PODNL1: variants seen among roughly 807,000 people sequenced by gnomAD.
PODNL1 encodes podocan like 1.
In PODNL1, 50 loss-of-function variants were observed where a neutral mutation model predicts 45.1. That is an observed-to-expected ratio of 1.11 (90% CI 0.88 to 1.40). PODNL1 has a LOEUF of 1.40. PODNL1 is among the 40% of genes most tolerant of loss of function. PODNL1 has a pLI of 0.00. For missense variants in PODNL1, 788 were observed against 793.3 expected, an observed-to-expected ratio of 0.99 and a Z score of 0.08; for synonymous variants, 406 against 372.5, an observed-to-expected ratio of 1.09 and a Z score of -1.04.
At position 13,933,160 on chromosome 19, in the gene PODNL1, C is replaced by G. The variant is rs761936290; in HGVS notation, c.1063G>C (p.Ala355Pro). ...VPPALPRRLR[A>P]LVLPHNHVAA... The stretch of plus-strand genomic sequence containing the variant: ...ACGTGGTTGTGGGGCAGCACCAGGG[C>G]ACGCAGGCGGCGGGGCAGGGCTGGA... The change falls in exon 8 of 10, where the codon GCC becomes CCC. Residue 355 changes from alanine (A) to proline (P), a missense_variant. Physicochemically the swap from Ala to Pro is conservative, Grantham distance 27. Transcript: ENST00000588872. This position sits in a 1 kb window ranked among gnomAD's most constrained non-coding sequence, Gnocchi z 5.2. 3 of 1,531,414 alleles carry G rather than the reference C, an allele frequency of 2.0e-6. No homozygotes were observed. In the South Asian group the frequency reaches 3.6e-5, roughly 18 times the overall value. The allele number at this position is 1,531,414 out of a possible 1,614,324, so 94.9% of individuals were successfully genotyped here.
upstream of PODNL1, chr19:13,940,128 A>G (rs899774560): frequency 1.3e-5 from 2 of 152,090 alleles, no homozygotes; most frequent in South Asian, 2.1e-4. Context: ...TGGGTAGAAC[A>G]TTTTAAGAAT....
At chr19:13,938,937 C>T (rs1050757687), upstream of PODNL1, among the ~76,000 whole-genome samples, 1 of 152,160 alleles carries the variant, frequency 6.6e-6, no homozygotes, top group Non-Finnish European at 1.5e-5. Flanking sequence ...CCCACACTCC[C>T]CCACAGTGTT....
rs765111176 is a variant in PODNL1, at chr19:13,936,321, G to A, written c.319+46C>T. The A allele has an allele frequency of 9.1e-6, 14 of 1,534,700 alleles. No individual in the cohort carries two copies. The Admixed American group carries it at 2.3e-4, about 26-fold the overall frequency. On this transcript the variant is annotated intron_variant, in intron 3 of 9. Coordinates refer to ENST00000588872, the MANE Select transcript of PODNL1 (RefSeq NM_001370095.3). ...GAGGGGGATGGCAGCTGAGACCTCG[G>A]TCAGTCCTACAGCCCCAGAGAGGCC... is the stretch of plus-strand genomic sequence containing the variant.
intron 5 of PODNL1, among the ~76,000 whole-genome samples, chr19:13,935,269 C>G (rs1168653426): frequency 6.6e-6 from 1 of 152,136 alleles, no homozygotes; most frequent in Non-Finnish European, 1.5e-5. Flanking sequence ...TCTTCCCACT[C>G]CCCAAGGCTA....
At position 13,933,575 on chromosome 19, in the gene PODNL1, A is replaced by T. The variant is rs1972117476; in HGVS notation, c.768-120T>A. ...TTTAAGCTGGAGATTTTGACTTGGG[A>T]GTGATGCGTGGAGAGAGCTGGGTGG... On this transcript the variant is annotated intron_variant, in intron 7 of 9. Transcript: ENST00000588872. The surrounding 1 kb of genome is among the most constrained non-coding windows in gnomAD (Gnocchi z 5.2). The T allele has an allele frequency of 8.7e-7, 1 of 1,147,576 alleles. No homozygotes were observed. The highest frequency in any genetic ancestry group is 2.8e-5 in the Admixed American group (1 of 35,916). 71.1% of individuals were successfully genotyped at this position (1,147,576 alleles called of 1,614,324 possible). A position where few individuals can be genotyped will look rare whatever the true frequency, so the allele number is the denominator to read the frequency against.
intron 3 of PODNL1, 36 bp from the exon 4 acceptor site, chr19:13,936,080 C>CCT: frequency 6.5e-7 from 1 of 1,531,350 alleles, no homozygotes; most frequent in African/African-American, 1.4e-5. Flanking sequence ...GGACCCCAGG[C>CCT]CTGTCTTGGG....
At chr19:13,952,431 G>C in intron 1 of PODNL1, 1 of 1,240,346 alleles carries the variant, frequency 8.1e-7, no homozygotes, top group Non-Finnish European at 1.0e-6. Flanking sequence ...GCGGGCCGCT[G>C]TCCCGAAAAA....
chr19:13,952,935 C>G, intron 1 of PODNL1: 4 of 880,848 alleles, frequency 4.5e-6, no homozygotes, highest in Non-Finnish European at 6.7e-6. Context: ...CCCCAGAGGC[C>G]GCAGGGAGAA....
At chr19:13,944,142 G>T (rs910424111) in intron 1 of PODNL1, among the ~76,000 whole-genome samples, 1 of 151,962 alleles carries the variant, frequency 6.6e-6, no homozygotes, top group Non-Finnish European at 1.5e-5. Flanking sequence ...TTTTTGTTTT[G>T]TTTTATTTAT....
intron 1 of PODNL1, among the ~76,000 whole-genome samples, chr19:13,943,951 C>A (rs538159702): frequency 4.6e-5 from 7 of 152,036 alleles, no homozygotes; most frequent in Non-Finnish European, 1.0e-4. Context: ...CCATTCAAAC[C>A]ACGACATGGA....
Position 13,931,594 on chromosome 19 carries a change from T to C in PODNL1, c.*143A>G. The C allele has an allele frequency of 1.1e-6, 1 of 899,304 alleles. No homozygotes were observed. Among genetic ancestry groups the C allele is most frequent in the Non-Finnish European group, 1.5e-6 (1 of 685,278 alleles). The allele number at this position is 899,304 out of a possible 1,614,324, so 55.7% of individuals were successfully genotyped here. The stretch of plus-strand genomic sequence containing the variant: ...AGTATGCCAGCTGTGTGCCTCTGTG[T>C]CTCGGCCAGTGGCAGGCAGAGCAGG... On this transcript the variant is annotated 3_prime_UTR_variant, in exon 10 of 10. Transcript: ENST00000588872.
Position 13,938,244 on chromosome 19 carries a change from G to C in PODNL1, c.-63C>G. The C allele has an allele frequency of 6.3e-7, 1 of 1,586,804 alleles. No homozygotes were observed. Among genetic ancestry groups the C allele is most frequent in the Non-Finnish European group, 8.6e-7 (1 of 1,167,634 alleles). ...ACCAGGACTTCCTAATGGAAACCAG[G>C]CGGTCACCTCCTGGAGCCTCTGCTG... On this transcript the variant is annotated 5_prime_UTR_variant, in exon 1 of 10. Coordinates refer to ENST00000588872, the MANE Select transcript of PODNL1 (RefSeq NM_001370095.3).
chr19:13,951,554 C>T (rs1973032004), intron 1 of PODNL1, among the ~76,000 whole-genome samples: 3 of 152,134 alleles, frequency 2.0e-5, no homozygotes, highest in South Asian at 2.1e-4. Context: ...GGGCGGATCA[C>T]CTGAGGTCAG....
In PODNL1 at chr19:13,931,459, G is replaced by A; in HGVS notation, c.*278C>T. 1 of 353,438 alleles carries A rather than the reference G, an allele frequency of 2.8e-6. No individual in the cohort carries two copies. The highest frequency in any genetic ancestry group is 4.2e-5 in the East Asian group (1 of 23,702). 21.9% of individuals were successfully genotyped at this position (353,438 alleles called of 1,614,324 possible). A position where few individuals can be genotyped will look rare whatever the true frequency, so the allele number is the denominator to read the frequency against. ...TGGACAGAGCCCCCAAAGGGTGCCT[G>A]GTCCGTGCTGAGTGCTGGAAGGGTT... On this transcript the variant is annotated 3_prime_UTR_variant, in exon 10 of 10. Transcript: ENST00000588872.
At chr19:13,934,512 T>TGTGTGTGTGTGTGTGCGCGCGC (rs1268486267) in intron 5 of PODNL1, 102 bp from the exon 6 acceptor site, 1 of 1,089,928 alleles carries the variant, frequency 9.2e-7, no homozygotes, top group Non-Finnish European at 1.3e-6. Context: ...TGTGTGTGTG[T>TGTGTGTGTGTGTGTGCGCGCGC]GTGTGTGTGT....
upstream of PODNL1, among the ~76,000 whole-genome samples, chr19:13,941,309 T>G (rs1460911810): frequency 2.8e-5 from 4 of 140,440 alleles, 1 homozygote; most frequent in East Asian, 6.2e-4. Flanking sequence ...GAGGCTGCAG[T>G]GAGCCGAGAT....
rs758917697 is a variant in PODNL1, at chr19:13,934,011, G to T, written c.652-18C>A. ...AGATTGTTCTGGAGAAGGAAGAAGA[G>T]AATGAGACTTGAGTCTGGGATGAGG... is the stretch of plus-strand genomic sequence containing the variant. On this transcript the variant is annotated intron_variant, in intron 6 of 9. Transcript: ENST00000588872. 2 of 1,581,188 alleles carry T rather than the reference G, an allele frequency of 1.3e-6. No individual in the cohort carries two copies. The highest frequency in any genetic ancestry group is 2.7e-5 in the African/African-American group (2 of 74,194).
Position 13,932,399 on chromosome 19 carries a change from T to C in PODNL1, c.1426-287A>G, listed in dbSNP as rs545043916. 12 of 532,580 alleles carry C rather than the reference T, an allele frequency of 2.3e-5. No individual in the cohort carries two copies. The East Asian group carries it at 3.5e-4, about 16-fold the overall frequency. 33.0% of individuals were successfully genotyped at this position (532,580 alleles called of 1,614,324 possible). The stretch of plus-strand genomic sequence containing the variant: ...TTTCAAGAGACAGGGTCTTGCTCTG[T>C]TGCCCAGTCTAGAGGGCAGTGGCCC... On this transcript the variant is annotated intron_variant, in intron 8 of 9. Coordinates refer to ENST00000588872, the MANE Select transcript of PODNL1 (RefSeq NM_001370095.3).
Position 13,936,002 on chromosome 19 carries a change from T to C in PODNL1, c.362A>G (p.His121Arg). 6.4e-7 allele frequency: 1 copy of C among 1,552,414 alleles called. No individual in the cohort carries two copies. The highest frequency in any genetic ancestry group is 8.7e-7 in the Non-Finnish European group (1 of 1,148,780). Residue 121 changes from histidine (H) to arginine (R), a missense_variant, in exon 4 of 10, where the codon CAC becomes CGC. Around this residue, in one of 3 missense-constraint regions of PODNL1, gnomAD observed 762 missense variants for 750.9 expected, o/e 1.01. Transcript: ENST00000588872. Reference protein sequence around the residue: ...EAFESLTQLQHLCVAHNKLSV... With the variant: ...EAFESLTQLQRLCVAHNKLSV... ...CACCTTGTTGTGAGCCACGCAGAGGTGCTGCAGCTGGGTGAGGGACTCGAA... is the reference window on the plus strand; with the variant it reads ...CACCTTGTTGTGAGCCACGCAGAGGCGCTGCAGCTGGGTGAGGGACTCGAA...
Sources: allele counts gnomAD v4.1 joint callset (sites outside exome capture counted in the v4.1 genomes callset), GRCh38; gene constraint gnomAD v4.1.1; regional missense constraint gnomAD v4.1.1; non-coding constraint Gnocchi (gnomAD v3.1); transcripts MANE v1.5; gene names NCBI Gene and HGNC (gene_info 2026-07-23, HGNC 2026-07-21).